The following FRK variants were observed in gnomAD, a reference collection of about 807,000 sequenced individuals.
FRK encodes the protein tyrosine-protein kinase FRK.
In FRK, 51 loss-of-function variants were observed where a neutral mutation model predicts 56.4. That is an observed-to-expected ratio of 0.90 (90% CI 0.72 to 1.14). The LOEUF is 1.14. Ranked by LOEUF, FRK falls within the 50% of genes most tolerant of loss-of-function variation. The probability of loss-of-function intolerance (pLI) is 0.00; values close to 1 mark genes in which losing one functional copy is unlikely to be tolerated. For missense variants in FRK, 570 were observed against 601.4 expected (o/e 0.95, Z 0.55); for synonymous variants, 245 against 217.9 (o/e 1.12, Z -1.10).
Position 115,967,538 on chromosome 6 carries a change from AT to A in FRK, c.799+12del, listed in dbSNP as rs753266620. 2 of 1,611,810 alleles carry A rather than the reference AT, an allele frequency of 1.2e-6. No individual in the cohort carries two copies. The highest frequency in any genetic ancestry group is 1.7e-6 in the Non-Finnish European group (2 of 1,178,478). On this transcript the variant is annotated intron_variant, in intron 4 of 7. Transcript: ENST00000606080. ...AATCAACATATGCCATTTAACCTTT[AT>A]TGTTCTCGCACCTGGTTTTAATGTT...
At chr6:116,014,015 G>A (rs1367416816) in intron 1 of FRK, among the ~76,000 whole-genome samples, 2 of 152,192 alleles carry the variant, frequency 1.3e-5, no homozygotes, top group Non-Finnish European at 2.9e-5. Flanking sequence ...CAAAACTAGA[G>A]GCTTATGTCT....
At chr6:116,040,831 G>A (rs1252141860) in intron 1 of FRK, among the ~76,000 whole-genome samples, 1 of 151,870 alleles carries the variant, frequency 6.6e-6, no homozygotes, top group Non-Finnish European at 1.5e-5. Context: ...TAATTATTAT[G>A]CTTTAGAACC....
At chr6:116,072,564 C>CAAAA in the FRK span, among the ~76,000 whole-genome samples, 3 of 149,596 alleles carry the variant, frequency 2.0e-5, no homozygotes, top group Non-Finnish European at 4.5e-5. Flanking sequence ...CACACACACA[C>CAAAA]AAGATACCTT....
chr6:116,088,955 T>C, the FRK span, among the ~76,000 whole-genome samples: 1 of 152,216 alleles, frequency 6.6e-6, no homozygotes, highest in Non-Finnish European at 1.5e-5. Flanking sequence ...TCCTGAAATA[T>C]GTTCATATTT....
At chr6:116,091,594 C>T in the FRK span, among the ~76,000 whole-genome samples, 1 of 152,188 alleles carries the variant, frequency 6.6e-6, no homozygotes, top group Non-Finnish European at 1.5e-5. Flanking sequence ...TATTGCCTAT[C>T]ACCAAGCAGT....
At chr6:116,076,010 T>C in the FRK span, among the ~76,000 whole-genome samples, 1 of 152,216 alleles carries the variant, frequency 6.6e-6, no homozygotes, top group East Asian at 1.9e-4. Flanking sequence ...TTCCTGGAAA[T>C]TCCTTCTGCA....
intron 4 of FRK, among the ~76,000 whole-genome samples, chr6:115,966,184 A>T (rs1430160740): frequency 6.6e-6 from 1 of 152,186 alleles, no homozygotes; most frequent in Non-Finnish European, 1.5e-5. Context: ...ATTCTTAACT[A>T]CAAGTGCTTA....
upstream of FRK, among the ~76,000 whole-genome samples, chr6:116,061,103 A>G (rs760454568): frequency 2.6e-5 from 4 of 152,202 alleles, no homozygotes; most frequent in Admixed American, 6.5e-5. Context: ...CAGCACTGAA[A>G]TTCACGGCAG....
the FRK span, among the ~76,000 whole-genome samples, chr6:116,090,772 G>T: frequency 6.6e-6 from 1 of 152,154 alleles, no homozygotes; most frequent in African/African-American, 2.4e-5. Context: ...CAAAGTCAAA[G>T]AGAGGTATTA....
intron 1 of FRK, among the ~76,000 whole-genome samples, chr6:116,008,187 A>T (rs1429610075): frequency 6.6e-6 from 1 of 152,184 alleles, no homozygotes; most frequent in Non-Finnish European, 1.5e-5. Flanking sequence ...TATATATATA[A>T]GCAGGCAGTT....
chr6:116,099,262 C>T, the FRK span, among the ~76,000 whole-genome samples: 1 of 152,212 alleles, frequency 6.6e-6, no homozygotes, highest in Admixed American at 6.5e-5. Flanking sequence ...CTTTTATACT[C>T]TTCCCTCTTA....
intron 1 of FRK, among the ~76,000 whole-genome samples, chr6:116,023,678 G>A (rs777990241): frequency 1.3e-5 from 2 of 152,170 alleles, no homozygotes; most frequent in Non-Finnish European, 2.9e-5. Flanking sequence ...TCTACATTGG[G>A]AGCAGCGGTG....
intron 2 of FRK, among the ~76,000 whole-genome samples, chr6:115,972,968 A>G (rs180747788): frequency 1.3e-5 from 2 of 152,334 alleles, no homozygotes; most frequent in Admixed American, 1.3e-4. Context: ...AGTTCACGAC[A>G]ATAATATTAT....
the FRK span, among the ~76,000 whole-genome samples, chr6:116,075,478 A>C: frequency 8.4e-4 from 128 of 151,716 alleles, 1 homozygote; most frequent in Non-Finnish European, 5.6e-4. Context: ...AAAAAAAAAA[A>C]AAAAACCTGG....
At chr6:116,080,162 C>G in the FRK span, among the ~76,000 whole-genome samples, 1 of 151,554 alleles carries the variant, frequency 6.6e-6, no homozygotes, top group Admixed American at 6.6e-5. Context: ...AGAGAAAAAG[C>G]CTTTTTGTTT....
chr6:116,062,479 A>T (rs2114845776), upstream of FRK, among the ~76,000 whole-genome samples: 1 of 152,172 alleles, frequency 6.6e-6, no homozygotes, highest in Admixed American at 6.5e-5. Context: ...AAAAAAAGAA[A>T]AGAAAAGAAA....
chr6:116,100,286 G>A, the FRK span, among the ~76,000 whole-genome samples: 1 of 152,110 alleles, frequency 6.6e-6, no homozygotes, highest in Admixed American at 6.5e-5. Flanking sequence ...CGCACTCCAG[G>A]GTATGAAATA....
chr6:116,020,570 G>A (rs1307356900), intron 1 of FRK, among the ~76,000 whole-genome samples: 2 of 152,116 alleles, frequency 1.3e-5, no homozygotes, highest in East Asian at 1.9e-4. Context: ...GATTACAGAC[G>A]TGAGCCACTG....
chr6:116,034,680 A>C (rs1776404556), intron 1 of FRK, among the ~76,000 whole-genome samples: 1 of 152,168 alleles, frequency 6.6e-6, no homozygotes, highest in South Asian at 2.1e-4. Flanking sequence ...CTCACAAGCA[A>C]CCACAAGACA....
Sources: gnomAD v4.1 joint callset for allele counts (sites outside exome capture counted in the v4.1 genomes callset) on GRCh38, gnomAD v4.1.1 for gene constraint, MANE v1.5 for transcripts, NCBI Gene and HGNC (gene_info 2026-07-23, HGNC 2026-07-21) for gene names.